ACOXL: variants seen among roughly 807,000 people sequenced by gnomAD.
ACOXL encodes acyl-CoA oxidase like.
ACOXL carries 70 observed loss-of-function variants against 71.9 expected under a neutral mutation model. The ratio of observed to expected loss-of-function variants is 0.97; its 90% CI spans 0.80 to 1.19. The LOEUF is 1.19. ACOXL is among the 50% of genes most tolerant of loss of function. The probability of loss-of-function intolerance (pLI) is 0.00; values close to 1 mark genes in which losing one functional copy is unlikely to be tolerated. For missense variants in ACOXL, 703 were observed against 736.3 expected, an observed-to-expected ratio of 0.95 and a Z score of 0.52; for synonymous variants, 253 against 281.6, an observed-to-expected ratio of 0.90 and a Z score of 1.02.
At chr2:110,814,233 C>T (rs1687666514) in intron 9 of ACOXL, among the ~76,000 whole-genome samples, 3 of 152,140 alleles carry the variant, frequency 2.0e-5, no homozygotes, top group South Asian at 2.1e-4. Flanking sequence ...TCCACTGTGA[C>T]CTGAGGCCTG....
intron 12 of ACOXL, among the ~76,000 whole-genome samples, chr2:110,947,163 A>T (rs2061140987): frequency 6.6e-6 from 1 of 152,202 alleles, no homozygotes; most frequent in African/African-American, 2.4e-5. Context: ...CATGTGACGC[A>T]GGCCTGGCAG....
intron 16 of ACOXL, among the ~76,000 whole-genome samples, chr2:111,088,252 A>C (rs140212546): frequency 0.011 from 1,666 of 152,324 alleles, 26 homozygotes; most frequent in African/African-American, 0.037. Flanking sequence ...TCAAAGAACT[A>C]AAAGCAGAAT....
intron 7 of ACOXL, among the ~76,000 whole-genome samples, chr2:110,800,325 T>A (rs1042649430): frequency 6.6e-6 from 1 of 152,188 alleles, no homozygotes; most frequent in Non-Finnish European, 1.5e-5. Context: ...ATGGTTGTGT[T>A]CATGTTAACC....
intron 1 of ACOXL, among the ~76,000 whole-genome samples, chr2:110,752,118 G>A (rs903014398): frequency 2.0e-5 from 3 of 151,316 alleles, no homozygotes; most frequent in African/African-American, 7.3e-5. Context: ...TCTGCCTCCT[G>A]GGTTCAAGCA....
At chr2:111,032,245 T>A (rs2065309761) in intron 15 of ACOXL, among the ~76,000 whole-genome samples, 1 of 151,754 alleles carries the variant, frequency 6.6e-6, no homozygotes, top group Non-Finnish European at 1.5e-5. Context: ...TGGCAATGTT[T>A]AGAGACGTTT....
At chr2:111,093,054 C>A in intron 17 of ACOXL, 88 bp downstream of exon 17, 1 of 1,054,930 alleles carries the variant, frequency 9.5e-7, no homozygotes. Context: ...AATCTTCTAT[C>A]AGTTTCCACT....
chr2:110,942,937 GAAGA>G lies in ACOXL; in HGVS notation c.1059+9309_1059+9312del, dbSNP rs533283258. Among the ~76,000 whole-genome samples, 78 of 120,872 alleles carry G rather than the reference GAAGA, an allele frequency of 6.5e-4. 3 individuals carry two copies. The South Asian group carries it at 0.012, about 19-fold the overall frequency. 79.3% of individuals were successfully genotyped at this position (120,872 alleles called of 152,430 possible). A position where few individuals can be genotyped will look rare whatever the true frequency, so the allele number is the denominator to read the frequency against. Reference sequence around the variant, plus strand: ...AGGGAAAGAAAGAGAAAGAAAGAAAGAAGAAAGAAAGAAAGAAGAAAGAAAAGAA... The same window carrying G: ...AGGGAAAGAAAGAGAAAGAAAGAAAGAAGAAAGAAAGAAGAAAGAAAAGAA... On this transcript the variant is annotated intron_variant, in intron 12 of 17. Transcript: ENST00000439055.
chr2:110,948,147 C>T (rs939841750), intron 12 of ACOXL, among the ~76,000 whole-genome samples: 3 of 152,160 alleles, frequency 2.0e-5, no homozygotes, highest in Non-Finnish European at 2.9e-5. Flanking sequence ...AAAATTGGAG[C>T]GCAGTGAAGT....
rs539612912 is a variant in ACOXL at position 111,050,806 on chromosome 2, G to A, written c.1440+1518G>A. On this transcript the variant is annotated intron_variant, in intron 16 of 17. Coordinates refer to ENST00000439055, the MANE Select transcript of ACOXL (RefSeq NM_001142807.4). The stretch of plus-strand genomic sequence containing the variant: ...CATGGCCTCCCCGACTTGGGATGCC[G>A]CAGCCCCCTCTGAGTTTCTTCACAT... Among the ~76,000 whole-genome samples the A allele has an allele frequency of 7.3e-4, 111 of 152,292 alleles. No homozygotes were observed. In the South Asian group the frequency reaches 0.016, roughly 22 times the overall value.
chr2:110,782,891 C>T (rs1309429279), intron 2 of ACOXL, among the ~76,000 whole-genome samples: 3 of 152,142 alleles, frequency 2.0e-5, no homozygotes, highest in African/African-American at 7.2e-5. Flanking sequence ...GGGTGACTCT[C>T]AGGAAGATGA....
chr2:110,829,062 T>C (rs1169407818), intron 9 of ACOXL, among the ~76,000 whole-genome samples: 3 of 152,190 alleles, frequency 2.0e-5, no homozygotes, highest in Non-Finnish European at 4.4e-5. Flanking sequence ...CTGCCTGCAT[T>C]GGCCTCCCAA....
chr2:110,900,930 C>T (rs2059208111), intron 10 of ACOXL, among the ~76,000 whole-genome samples: 1 of 152,174 alleles, frequency 6.6e-6, no homozygotes, highest in South Asian at 2.1e-4. Flanking sequence ...GCAGGTTTAT[C>T]CTGGGTGGTG....
At position 110,768,405 on chromosome 2, in the gene ACOXL, G is replaced by A. The variant is rs1681393787; in HGVS notation, c.16G>A (p.Val6Ile). The A allele has an allele frequency of 6.2e-7, 1 of 1,614,098 alleles. No homozygotes were observed. Among genetic ancestry groups the A allele is most frequent in the African/African-American group, 1.3e-5 (1 of 75,014 alleles). Residue 6 changes from valine (V) to isoleucine (I), a missense_variant, in exon 2 of 18, where the codon GTT becomes ATT. Coordinates refer to ENST00000439055, the MANE Select transcript of ACOXL (RefSeq NM_001142807.4). The part of the protein sequence containing the change: MRALT[V>I]QRVKFAMDLP... ...CTTGGATGAAATGAGAGCTTTGACA[G>A]TTCAGAGAGTGAAGTTTGCCATGGA...
At chr2:111,046,413 G>T (rs1321734961) in intron 15 of ACOXL, among the ~76,000 whole-genome samples, 1 of 152,174 alleles carries the variant, frequency 6.6e-6, no homozygotes, top group African/African-American at 2.4e-5. Flanking sequence ...TTCTCATGCT[G>T]CTAATAAAGA....
At chr2:110,988,596 A>C (rs1329335918) in intron 13 of ACOXL, among the ~76,000 whole-genome samples, 1 of 152,180 alleles carries the variant, frequency 6.6e-6, no homozygotes, top group Non-Finnish European at 1.5e-5. Flanking sequence ...ATAGTGACAA[A>C]TTATTTTTCA....
At chr2:111,027,905 C>T (rs1348372710) in intron 14 of ACOXL, among the ~76,000 whole-genome samples, 1 of 152,066 alleles carries the variant, frequency 6.6e-6, no homozygotes, top group Non-Finnish European at 1.5e-5. Flanking sequence ...ATTTCTTAGG[C>T]TGGGCACAGT....
intron 10 of ACOXL, among the ~76,000 whole-genome samples, chr2:110,865,829 C>A (rs2149008914): frequency 6.7e-6 from 1 of 148,388 alleles, no homozygotes; most frequent in East Asian, 2.1e-4. Context: ...CATTGTCCTA[C>A]AACTTGTTTT....
At position 111,006,447 on chromosome 2, in the gene ACOXL, A is replaced by G. The variant is rs112825820; in HGVS notation, c.1281+10443A>G. 4.2e-3 allele frequency among the ~76,000 whole-genome samples: 636 copies of G among 152,314 alleles called. 9 individuals are homozygous for G. Among genetic ancestry groups the G allele is most frequent in the African/African-American group, 0.015 (611 of 41,564 alleles). On this transcript the variant is annotated intron_variant, in intron 14 of 17. Transcript: ENST00000439055. Reference sequence around the variant, plus strand: ...GTACAAGCGGGAACATCTGAGGCCAATTGTAACCAACTCCCAGAAGTACAG... The same window carrying G: ...GTACAAGCGGGAACATCTGAGGCCAGTTGTAACCAACTCCCAGAAGTACAG...
intron 15 of ACOXL, among the ~76,000 whole-genome samples, chr2:111,038,462 G>A (rs11123312): frequency 0.11 from 16,689 of 152,222 alleles, 1,033 homozygotes; most frequent in East Asian, 0.23. Flanking sequence ...ATTGTACATT[G>A]TATGATGGAC....
Sources: gnomAD v4.1 joint callset for allele counts (sites outside exome capture counted in the v4.1 genomes callset) on GRCh38, gnomAD v4.1.1 for gene constraint, MANE v1.5 for transcripts, NCBI Gene and HGNC (gene_info 2026-07-23, HGNC 2026-07-21) for gene names.